Variants in CDK14 observed in about 807,000 individuals in gnomAD.
The protein encoded by CDK14 is cyclin-dependent kinase 14.
Under a neutral mutation model 60.7 loss-of-function variants are expected in CDK14, and 34 were observed. The observed-to-expected ratio is 0.56, with a 90% CI of 0.43 to 0.75. The LOEUF (loss-of-function observed/expected upper bound fraction) is 0.75. Among genes scored for constraint, CDK14 ranks in the 30% least tolerant of loss-of-function variants. The pLI is 0.00. For missense variants in CDK14, 482 were observed against 564.1 expected (o/e 0.85, Z 1.47); for synonymous variants, 197 against 203.7 (o/e 0.97, Z 0.28).
chr7:90,781,584 A>C (rs4727242), intron 4 of CDK14, among the ~76,000 whole-genome samples: 27,207 of 147,850 alleles, frequency 0.18, 2,635 homozygotes, highest in South Asian at 0.24. Context: ...ATCTTGAATT[A>C]ATTTTTGTAT....
chr7:91,172,957 G>C (rs931522229), intron 14 of CDK14, among the ~76,000 whole-genome samples: 4 of 152,060 alleles, frequency 2.6e-5, no homozygotes, highest in Non-Finnish European at 4.4e-5. Context: ...GAGGATGAAG[G>C]TACCCCTCAT....
chr7:90,667,662 T>C (rs1373167870), intron 2 of CDK14, among the ~76,000 whole-genome samples: 1 of 151,952 alleles, frequency 6.6e-6, no homozygotes, highest in African/African-American at 2.4e-5. Flanking sequence ...CTCTGCCTCC[T>C]GGGTTCACAC....
chr7:90,681,293 C>T (rs1801311041), intron 2 of CDK14, among the ~76,000 whole-genome samples: 1 of 152,180 alleles, frequency 6.6e-6, no homozygotes, highest in South Asian at 2.1e-4. Flanking sequence ...TCAAATGTCA[C>T]TTTAATCCCT....
intron 3 of CDK14, among the ~76,000 whole-genome samples, chr7:90,732,853 CATCTT>C (rs1299013147): frequency 7.2e-5 from 11 of 152,092 alleles, no homozygotes; most frequent in African/African-American, 2.7e-4. Flanking sequence ...GTTCTGCTCT[CATCTT>C]AGTTATTTCT....
intron 11 of CDK14, among the ~76,000 whole-genome samples, chr7:91,059,346 A>C (rs1007999997): frequency 3.3e-5 from 5 of 151,980 alleles, no homozygotes; most frequent in Non-Finnish European, 5.9e-5. Context: ...TGATCTTTTC[A>C]AAAAACCAGC....
intron 10 of CDK14, among the ~76,000 whole-genome samples, chr7:91,020,467 CAG>C (rs1211801122): frequency 4.6e-5 from 7 of 152,114 alleles, no homozygotes; most frequent in Admixed American, 3.9e-4. Context: ...ATATTCCAGT[CAG>C]AGAGATAGAC....
chr7:90,936,764 C>T (rs758242664), intron 8 of CDK14, among the ~76,000 whole-genome samples: 30 of 152,126 alleles, frequency 2.0e-4, no homozygotes, highest in Non-Finnish European at 3.2e-4. Flanking sequence ...TGCATATGCA[C>T]GCTGTGTCTG....
chr7:91,052,967 A>ATAC (rs1554412813), intron 11 of CDK14, among the ~76,000 whole-genome samples: 2 of 152,096 alleles, frequency 1.3e-5, no homozygotes, highest in Non-Finnish European at 2.9e-5. Flanking sequence ...GAATGTTTAC[A>ATAC]TACGGACTTA....
Position 90,632,519 on chromosome 7 carries a change from A to G in CDK14, c.123+28270A>G, listed in dbSNP as rs1800024860. The G allele has an allele frequency of 1.8e-5, 3 of 164,202 alleles. No individual in the cohort carries two copies. In the South Asian group the frequency reaches 5.4e-4, roughly 30 times the overall value. The allele number at this position is 164,202 out of a possible 1,614,324, so 10.2% of individuals were successfully genotyped here. A position where few individuals can be genotyped will look rare whatever the true frequency, so the allele number is the denominator to read the frequency against. The stretch of plus-strand genomic sequence containing the variant: ...AATTTAACCAGCATGGCTATCTTGT[A>G]GCCTGGAAAGCAGTTTTTAAGACAA... On this transcript the variant is annotated intron_variant, in intron 2 of 14. Coordinates refer to ENST00000380050, the MANE Select transcript of CDK14 (RefSeq NM_001287135.2).
chr7:90,940,033 C>A (rs1793869654), intron 8 of CDK14, among the ~76,000 whole-genome samples: 1 of 152,142 alleles, frequency 6.6e-6, no homozygotes, highest in African/African-American at 2.4e-5. Flanking sequence ...CTGAGACTGC[C>A]CAGGGCTGTG....
intron 4 of CDK14, among the ~76,000 whole-genome samples, chr7:90,782,070 G>A (rs1286521560): frequency 1.3e-5 from 2 of 152,072 alleles, no homozygotes; most frequent in African/African-American, 2.4e-5. Flanking sequence ...TCTTCCATTT[G>A]TTTGTATCCT....
At chr7:90,980,902 A>C (rs2115616608) in intron 9 of CDK14, among the ~76,000 whole-genome samples, 1 of 152,338 alleles carries the variant, frequency 6.6e-6, no homozygotes, top group Non-Finnish European at 1.5e-5. Context: ...TAGACTAAAC[A>C]CAAGTAGTGC....
intron 4 of CDK14, among the ~76,000 whole-genome samples, chr7:90,760,606 T>G (rs981518269): frequency 5.3e-5 from 8 of 152,226 alleles, no homozygotes; most frequent in Non-Finnish European, 1.2e-4. Context: ...TCTTTTAGAC[T>G]TTGGGCTCTT....
rs1208803618 is a variant in CDK14 at position 91,118,190 on chromosome 7, C to T, written c.*10C>T. 3.3e-6 allele frequency: 5 copies of T among 1,533,176 alleles called. No homozygotes were observed. Among genetic ancestry groups the T allele is most frequent in the Admixed American group, 1.7e-5 (1 of 59,768 alleles). 95.0% of individuals were successfully genotyped at this position (1,533,176 alleles called of 1,614,324 possible). On this transcript the variant is annotated 3_prime_UTR_variant, in exon 14 of 15. Coordinates refer to ENST00000380050, the MANE Select transcript of CDK14 (RefSeq NM_001287135.2). ...AAACAGCAAGCACTGACAAGCAGCA[C>T]ATTCTCAAGAGCACACAGGTAAGAG...
chr7:90,700,018 A>C (rs1442996667), intron 2 of CDK14, among the ~76,000 whole-genome samples: 1 of 152,170 alleles, frequency 6.6e-6, no homozygotes, highest in Admixed American at 6.5e-5. Context: ...ATGGTCTCCA[A>C]GTTCCTGGTG....
At chr7:90,646,953 C>A (rs1480987621) in intron 2 of CDK14, among the ~76,000 whole-genome samples, 1 of 152,132 alleles carries the variant, frequency 6.6e-6, no homozygotes, top group Non-Finnish European at 1.5e-5. Context: ...GCCTGATGAA[C>A]TGACTCACAC....
At chr7:90,728,985 G>A (rs541051144) in intron 3 of CDK14, among the ~76,000 whole-genome samples, 1 of 151,434 alleles carries the variant, frequency 6.6e-6, no homozygotes, top group South Asian at 2.1e-4. Context: ...ATTCTGAGAT[G>A]ATCAAGAAGG....
In CDK14 at chr7:90,718,212, A is replaced by G. The variant is rs1285005738; in HGVS notation, c.124-8355A>G. Among the ~76,000 whole-genome samples, 4 of 152,054 alleles carry G rather than the reference A, an allele frequency of 2.6e-5. 1 individual carries two copies. On this transcript the variant is annotated intron_variant, in intron 2 of 14. Transcript: ENST00000380050. ...TTTCAGCCAAAATGCCCAGGATGCC[A>G]CCACTGAGAAACAGTGCCAGGATGT...
intron 6 of CDK14, among the ~76,000 whole-genome samples, chr7:90,885,340 C>T (rs1350651256): frequency 6.6e-6 from 1 of 152,190 alleles, no homozygotes; most frequent in African/African-American, 2.4e-5. Context: ...CTCAACATCA[C>T]TGATCATCAG....
Sources: allele counts gnomAD v4.1 joint callset (sites outside exome capture counted in the v4.1 genomes callset), GRCh38; gene constraint gnomAD v4.1.1; transcripts MANE v1.5; gene names NCBI Gene and HGNC (gene_info 2026-07-23, HGNC 2026-07-21).